SORCS1: variants seen among roughly 807,000 people sequenced by gnomAD.
SORCS1 encodes VPS10 domain-containing receptor SorCS1.
Under a neutral mutation model 146.1 loss-of-function variants are expected in SORCS1, and 60 were observed. The observed-to-expected ratio is 0.41, with a 90% CI of 0.33 to 0.51. The LOEUF is 0.51. Ranked by LOEUF, SORCS1 falls within the 20% of genes least tolerant of loss-of-function variation. SORCS1 has a pLI of 0.21. For synonymous variants in SORCS1, 637 were observed against 584.0 expected, an observed-to-expected ratio of 1.09 and a Z score of -1.31; for missense variants, 1,352 against 1,487.6, an observed-to-expected ratio of 0.91 and a Z score of 1.50.
chr10:107,018,946 T>C (rs1958012310), intron 1 of SORCS1, among the ~76,000 whole-genome samples: 1 of 152,244 alleles, frequency 6.6e-6, no homozygotes, highest in African/African-American at 2.4e-5. Flanking sequence ...ACCAAATAAC[T>C]TGAAGTTCCA....
chr10:107,131,832 G>A (rs1001936236), intron 1 of SORCS1, among the ~76,000 whole-genome samples: 1 of 152,148 alleles, frequency 6.6e-6, no homozygotes, highest in African/African-American at 2.4e-5. Flanking sequence ...CTGAGTTATC[G>A]TCAATCCACT....
At chr10:107,002,705 G>A (rs995268636) in intron 1 of SORCS1, among the ~76,000 whole-genome samples, 6 of 152,074 alleles carry the variant, frequency 3.9e-5, no homozygotes, top group African/African-American at 9.7e-5. Context: ...AGAGAATGTC[G>A]TATGTGTCCA....
rs765355110 is a variant in SORCS1, at chr10:106,944,874, C to CTTTTTTTTTTTTTTTTTTTTTTTTT, written c.626+11614_626+11638dup. ...GTAGAAAGAAGCAAGAAAGAGCCTT[C>CTTTTTTTTTTTTTTTTTTTTTTTTT]TTTTTTTTTTTTTTTTTTTTTTTTT... On this transcript the variant is annotated intron_variant, in intron 2 of 25. Transcript: ENST00000263054. 7.4e-4 allele frequency among the ~76,000 whole-genome samples: 27 copies of CTTTTTTTTTTTTTTTTTTTTTTTTT among 36,608 alleles called. 7 individuals are homozygous for CTTTTTTTTTTTTTTTTTTTTTTTTT. The highest frequency in any genetic ancestry group is 1.0e-3 in the East Asian group (1 of 996). 24.0% of individuals were successfully genotyped at this position (36,608 alleles called of 152,430 possible).
chr10:106,964,075 G>C (rs1955384576), intron 1 of SORCS1, among the ~76,000 whole-genome samples: 1 of 152,154 alleles, frequency 6.6e-6, no homozygotes, highest in South Asian at 2.1e-4. Flanking sequence ...GTATACAAAG[G>C]GTACTGCAAG....
intron 6 of SORCS1, among the ~76,000 whole-genome samples, chr10:106,726,824 C>T (rs193141172): frequency 8.5e-5 from 13 of 152,080 alleles, no homozygotes; most frequent in Admixed American, 4.6e-4. Flanking sequence ...CGGTGGCTCA[C>T]GCCTATAATC....
intron 5 of SORCS1, among the ~76,000 whole-genome samples, chr10:106,748,691 C>T (rs1030024957): frequency 3.3e-5 from 5 of 152,126 alleles, no homozygotes; most frequent in African/African-American, 1.2e-4. Context: ...TTACATGCCA[C>T]CAACTGTTCT....
chr10:107,109,564 AC>A (rs1455687529), intron 1 of SORCS1, among the ~76,000 whole-genome samples: 1 of 152,092 alleles, frequency 6.6e-6, no homozygotes, highest in African/African-American at 2.4e-5. Context: ...TGCCCCTGAA[AC>A]CATTCTTTCC....
chr10:106,614,788 G>A (rs1436307480), intron 21 of SORCS1, among the ~76,000 whole-genome samples: 1 of 152,182 alleles, frequency 6.6e-6, no homozygotes, highest in African/African-American at 2.4e-5. Context: ...TACTTAAGTT[G>A]ATTCAAGAAA....
At chr10:106,715,690 A>G (rs1319782777) in intron 6 of SORCS1, among the ~76,000 whole-genome samples, 1 of 152,206 alleles carries the variant, frequency 6.6e-6, no homozygotes, top group Non-Finnish European at 1.5e-5. Flanking sequence ...AATCACCAAT[A>G]CTGCTCACTG....
intron 3 of SORCS1, among the ~76,000 whole-genome samples, chr10:106,788,897 G>C (rs1206013971): frequency 6.6e-6 from 1 of 152,182 alleles, no homozygotes; most frequent in Admixed American, 6.5e-5. Flanking sequence ...TTTCCCTTCT[G>C]CACTGCCCTA....
intron 1 of SORCS1, among the ~76,000 whole-genome samples, chr10:107,131,729 C>T (rs1200901681): frequency 1.3e-5 from 2 of 152,164 alleles, no homozygotes; most frequent in Non-Finnish European, 2.9e-5. Context: ...AAACAAAAGT[C>T]TCTTTCTTTT....
chr10:106,630,920 T>C (rs1037664186), intron 18 of SORCS1, among the ~76,000 whole-genome samples: 13 of 152,124 alleles, frequency 8.5e-5, no homozygotes, highest in Admixed American at 2.6e-4. Flanking sequence ...TCAGACCCCA[T>C]TGACAAAAAC....
chr10:106,592,777 C>CTT (rs568910860), intron 24 of SORCS1, among the ~76,000 whole-genome samples: 5 of 141,336 alleles, frequency 3.5e-5, no homozygotes, highest in African/African-American at 5.2e-5. Flanking sequence ...CACTGTTTCT[C>CTT]TTTTTTTTTT....
chr10:106,950,345 G>A (rs553157724), intron 2 of SORCS1, among the ~76,000 whole-genome samples: 41 of 152,284 alleles, frequency 2.7e-4, no homozygotes, highest in African/African-American at 9.9e-4. Context: ...ATCACTATAA[G>A]GTCAACAGCC....
chr10:107,058,303 A>C (rs1295659573), intron 1 of SORCS1, among the ~76,000 whole-genome samples: 1 of 152,044 alleles, frequency 6.6e-6, no homozygotes, highest in Admixed American at 6.6e-5. Context: ...GGCCTCCCAA[A>C]GTGCTGGGAT....
intron 10 of SORCS1, among the ~76,000 whole-genome samples, chr10:106,683,399 T>C (rs1852590626): frequency 6.6e-6 from 1 of 152,202 alleles, no homozygotes; most frequent in Admixed American, 6.5e-5. Flanking sequence ...AGTTTGATTG[T>C]TTTAGGTTCC....
intron 3 of SORCS1, among the ~76,000 whole-genome samples, chr10:106,825,463 G>A (rs1027422524): frequency 2.6e-5 from 4 of 151,804 alleles, no homozygotes; most frequent in South Asian, 2.1e-4. Context: ...TAGTAGAGAC[G>A]GGGTTTCACC....
intron 6 of SORCS1, among the ~76,000 whole-genome samples, chr10:106,728,458 A>G (rs1185192919): frequency 6.6e-6 from 1 of 152,190 alleles, no homozygotes; most frequent in Non-Finnish European, 1.5e-5. Context: ...TGTCAGGCAC[A>G]GTGCTGGGCA....
At chr10:106,989,131 G>T (rs921050681) in intron 1 of SORCS1, among the ~76,000 whole-genome samples, 2 of 150,762 alleles carry the variant, frequency 1.3e-5, no homozygotes, top group African/African-American at 4.9e-5. Context: ...TTAGCTGGTC[G>T]TGGTGGTGGG....
Sources: gnomAD v4.1 joint callset for allele counts (sites outside exome capture counted in the v4.1 genomes callset) on GRCh38, gnomAD v4.1.1 for gene constraint, MANE v1.5 for transcripts, NCBI Gene and HGNC (gene_info 2026-07-23, HGNC 2026-07-21) for gene names.